Variants in TMCC1 observed in about 807,000 individuals in gnomAD.
The protein encoded by TMCC1 is transmembrane and coiled-coil domains protein 1.
TMCC1 carries 15 observed loss-of-function variants against 52.4 expected under a neutral mutation model. The ratio of observed to expected loss-of-function variants is 0.29; its 90% CI spans 0.19 to 0.44. The LOEUF is 0.44. Ranked by LOEUF, TMCC1 falls within the 20% of genes least tolerant of loss-of-function variation. The pLI, the probability that TMCC1 is intolerant of heterozygous loss-of-function variation, is 1.00. For synonymous variants in TMCC1, 279 were observed against 301.9 expected, an observed-to-expected ratio of 0.92 and a Z score of 0.79; for missense variants, 503 against 806.0, an observed-to-expected ratio of 0.62 and a Z score of 4.55.
intron 2 of TMCC1, among the ~76,000 whole-genome samples, chr3:129,850,196 AATTC>A (rs1468601457): frequency 6.6e-6 from 1 of 152,224 alleles, no homozygotes; most frequent in Non-Finnish European, 1.5e-5. Flanking sequence ...CCTTTCAAAC[AATTC>A]AACTAAACAA....
At chr3:129,848,901 C>T (rs2059787173) in intron 2 of TMCC1, among the ~76,000 whole-genome samples, 1 of 151,980 alleles carries the variant, frequency 6.6e-6, no homozygotes, top group African/African-American at 2.4e-5. Context: ...TGGCTCGCTC[C>T]TCTACTAATT....
chr3:129,752,553 C>G (rs1484203329), intron 4 of TMCC1, among the ~76,000 whole-genome samples: 1 of 151,908 alleles, frequency 6.6e-6, no homozygotes, highest in Admixed American at 6.6e-5. Flanking sequence ...GTAATCCCAG[C>G]TACTAGGGAG....
chr3:129,879,621 T>G (rs1416711236), intron 2 of TMCC1, among the ~76,000 whole-genome samples: 2 of 152,194 alleles, frequency 1.3e-5, no homozygotes, highest in Non-Finnish European at 2.9e-5. Flanking sequence ...AAGCCCATTT[T>G]AAAGGTGAGA....
chr3:129,694,330 TGCCCC>T, intron 4 of TMCC1, among the ~76,000 whole-genome samples: 1 of 152,268 alleles, frequency 6.6e-6, no homozygotes, highest in African/African-American at 2.4e-5. Flanking sequence ...AGTTCAAGGA[TGCCCC>T]TGTATGACTA....
chr3:129,864,539 C>T (rs926518730), intron 2 of TMCC1, among the ~76,000 whole-genome samples: 1 of 152,162 alleles, frequency 6.6e-6, no homozygotes, highest in African/African-American at 2.4e-5. Flanking sequence ...CCTATAATCC[C>T]AGCACTCTGG....
At chr3:129,887,545 A>G (rs1234762484) in intron 1 of TMCC1, among the ~76,000 whole-genome samples, 1 of 150,688 alleles carries the variant, frequency 6.6e-6, no homozygotes, top group African/African-American at 2.4e-5. Context: ...CGTCTCTCAA[A>G]AAAAAAAAAA....
In TMCC1 at chr3:129,828,343, G is replaced by A. The variant is rs2058748407; in HGVS notation, c.36C>T (p.Asp12=). 1 of 1,613,954 alleles carries A rather than the reference G, an allele frequency of 6.2e-7. No individual in the cohort carries two copies. Among genetic ancestry groups the A allele is most frequent in the Non-Finnish European group, 8.5e-7 (1 of 1,180,000 alleles). ...EPSGSEQLFE[D]PDPGGKSQDA... ...CTTGGGATTTGCCTCCAGGATCAGG[G>A]TCCTCAAATAACTGTTCACTGCCCG... Residue 12 remains aspartate (D), a synonymous_variant, in exon 4 of 7, where the codon GAC becomes GAT. Coordinates refer to ENST00000393238, the MANE Select transcript of TMCC1 (RefSeq NM_001017395.5). This position sits in a 1 kb window ranked among gnomAD's most constrained non-coding sequence, Gnocchi z 4.1.
At chr3:129,698,532 T>C (rs1275816354) in intron 4 of TMCC1, among the ~76,000 whole-genome samples, 4 of 152,272 alleles carry the variant, frequency 2.6e-5, no homozygotes, top group Non-Finnish European at 5.9e-5. Flanking sequence ...GGACTGATTT[T>C]AACATTTTAT....
chr3:129,735,807 G>C (rs923553398), intron 4 of TMCC1, among the ~76,000 whole-genome samples: 1 of 152,212 alleles, frequency 6.6e-6, no homozygotes, highest in Non-Finnish European at 1.5e-5. Flanking sequence ...GCCTCTATGA[G>C]CTCTCTTGCT....
At chr3:129,829,918 C>T (rs1414040120) in intron 3 of TMCC1, among the ~76,000 whole-genome samples, 2 of 152,192 alleles carry the variant, frequency 1.3e-5, no homozygotes, top group Non-Finnish European at 2.9e-5. Context: ...GTCATTGTGG[C>T]TCCACTGTCC....
At chr3:129,739,301 G>A (rs2051250358) in intron 4 of TMCC1, among the ~76,000 whole-genome samples, 1 of 152,104 alleles carries the variant, frequency 6.6e-6, no homozygotes, top group Admixed American at 6.6e-5. Flanking sequence ...CTGACTAGCT[G>A]GGATTACAGG....
intron 5 of TMCC1, among the ~76,000 whole-genome samples, chr3:129,666,660 A>T (rs2087479957): frequency 6.6e-6 from 1 of 152,166 alleles, no homozygotes; most frequent in Admixed American, 6.5e-5. Context: ...GAATCACTTG[A>T]ACCCAGGAGG....
chr3:129,871,533 T>C (rs2060930264), intron 2 of TMCC1, among the ~76,000 whole-genome samples: 1 of 152,160 alleles, frequency 6.6e-6, no homozygotes, highest in African/African-American at 2.4e-5. Flanking sequence ...TAAGCATACT[T>C]ATACCATTAT....
chr3:129,783,386 T>C (rs1011026160), intron 4 of TMCC1, among the ~76,000 whole-genome samples: 1 of 152,174 alleles, frequency 6.6e-6, no homozygotes, highest in Non-Finnish European at 1.5e-5. Context: ...AGGAAACATG[T>C]AGTTAGAACA....
chr3:129,775,049 G>C (rs1016307236), intron 4 of TMCC1, among the ~76,000 whole-genome samples: 2 of 152,166 alleles, frequency 1.3e-5, no homozygotes, highest in African/African-American at 4.8e-5. Context: ...GTACTATGCT[G>C]GGGACAGAGA....
At chr3:129,713,885 A>G (rs1045560842) in intron 4 of TMCC1, among the ~76,000 whole-genome samples, 1 of 152,200 alleles carries the variant, frequency 6.6e-6, no homozygotes, top group Non-Finnish European at 1.5e-5. Flanking sequence ...TTTTTAATTA[A>G]CAGATTCCTA....
At chr3:129,803,602 C>A (rs1009903374) in intron 4 of TMCC1, among the ~76,000 whole-genome samples, 1 of 152,190 alleles carries the variant, frequency 6.6e-6, no homozygotes, top group African/African-American at 2.4e-5. Flanking sequence ...TTAAACCTCA[C>A]TTTCCTTTTC....
At chr3:129,816,814 AG>A (rs2058119955) in intron 4 of TMCC1, among the ~76,000 whole-genome samples, 1 of 152,118 alleles carries the variant, frequency 6.6e-6, no homozygotes. Context: ...ACTTGAGCCC[AG>A]GAGTTTGAGA....
chr3:129,652,375 C>A (rs1255346025), intron 6 of TMCC1, among the ~76,000 whole-genome samples: 1 of 152,180 alleles, frequency 6.6e-6, no homozygotes, highest in African/African-American at 2.4e-5. Context: ...CCAAAGAAAC[C>A]TGAAAAAGTG....
Sources: allele counts gnomAD v4.1 joint callset (sites outside exome capture counted in the v4.1 genomes callset), GRCh38; gene constraint gnomAD v4.1.1; non-coding constraint Gnocchi (gnomAD v3.1); transcripts MANE v1.5; gene names NCBI Gene and HGNC (gene_info 2026-07-23, HGNC 2026-07-21).